Variants in EHBP1 observed in about 807,000 individuals in gnomAD.
The protein encoded by EHBP1 is EH domain-binding protein 1.
Under a neutral mutation model 144.0 loss-of-function variants are expected in EHBP1, and 55 were observed. That is an observed-to-expected ratio of 0.38 (90% CI 0.31 to 0.48). The LOEUF is 0.48. Ranked by LOEUF, EHBP1 falls within the 20% of genes least tolerant of loss-of-function variation. EHBP1 has a pLI of 0.98. For synonymous variants in EHBP1, 469 were observed against 472.7 expected (o/e 0.99, Z 0.10); for missense variants, 1,200 against 1,364.2 (o/e 0.88, Z 1.90).
At chr2:62,823,042 G>C (rs1030210339) in intron 5 of EHBP1, among the ~76,000 whole-genome samples, 1 of 152,074 alleles carries the variant, frequency 6.6e-6, no homozygotes, top group Admixed American at 6.6e-5. Context: ...GGTAGTAGTG[G>C]TGTGTATGTG....
At chr2:63,020,389 G>C (rs932932377) in intron 19 of EHBP1, among the ~76,000 whole-genome samples, 11 of 148,432 alleles carry the variant, frequency 7.4e-5, no homozygotes, top group African/African-American at 2.7e-4. Context: ...TATAATCCCA[G>C]CTATTTGGGA....
intron 5 of EHBP1, among the ~76,000 whole-genome samples, chr2:62,809,083 G>A (rs1440594565): frequency 2.0e-5 from 3 of 152,052 alleles, no homozygotes; most frequent in African/African-American, 7.2e-5. Context: ...ACGAGGTCAG[G>A]AGTTCGAGAG....
At position 62,771,639 on chromosome 2, in the gene EHBP1, A is replaced by C. The variant is rs894434883; in HGVS notation, c.312+247A>C. The C allele has an allele frequency of 3.0e-5, 6 of 198,826 alleles. No individual in the cohort carries two copies. In the Middle Eastern group the frequency reaches 5.7e-3, roughly 188 times the overall value. The allele number at this position is 198,826 out of a possible 1,614,324, so 12.3% of individuals were successfully genotyped here. On this transcript the variant is annotated intron_variant, in intron 5 of 22. Coordinates refer to ENST00000431489, the MANE Select transcript of EHBP1 (RefSeq NM_001142616.3). The stretch of plus-strand genomic sequence containing the variant: ...TATGTTTGTATGTATGCGTGTGTAT[A>C]TGTGTATTATATATATAAAAAATAT...
chr2:62,768,083 A>G (rs1412262751), intron 4 of EHBP1, among the ~76,000 whole-genome samples: 1 of 152,152 alleles, frequency 6.6e-6, no homozygotes, highest in African/African-American at 2.4e-5. Flanking sequence ...AAAAATCTCA[A>G]ATTAACAACC....
intron 11 of EHBP1, 73 bp downstream of exon 11, chr2:62,942,969 T>A: frequency 9.2e-7 from 1 of 1,092,032 alleles, no homozygotes; most frequent in South Asian, 2.1e-5. Flanking sequence ...TAAAATAATT[T>A]CTTAGCACAT....
At chr2:62,971,089 T>G (rs1455182503) in intron 14 of EHBP1, among the ~76,000 whole-genome samples, 1 of 152,200 alleles carries the variant, frequency 6.6e-6, no homozygotes, top group African/African-American at 2.4e-5. Context: ...TGGCAGATTG[T>G]AGACCATTTC....
At chr2:62,955,762 C>T in intron 14 of EHBP1, 102 bp downstream of exon 14, 1 of 1,300,052 alleles carries the variant, frequency 7.7e-7, no homozygotes, top group Non-Finnish European at 1.0e-6. Context: ...TTTCTACGGA[C>T]TGTACATTGT....
chr2:62,763,202 C>T (rs1332438994), intron 3 of EHBP1, among the ~76,000 whole-genome samples: 1 of 152,064 alleles, frequency 6.6e-6, no homozygotes. Context: ...CCTTTTCTTA[C>T]CCCCAGTTCT....
intron 1 of EHBP1, among the ~76,000 whole-genome samples, chr2:62,689,101 TA>T (rs1273153652): frequency 6.6e-6 from 1 of 152,234 alleles, no homozygotes; most frequent in African/African-American, 2.4e-5. Flanking sequence ...ACAAATATTT[TA>T]AAAATTAGAA....
At chr2:63,017,673 A>G (rs2153274968) in intron 19 of EHBP1, among the ~76,000 whole-genome samples, 1 of 152,272 alleles carries the variant, frequency 6.6e-6, no homozygotes, top group Admixed American at 6.5e-5. Flanking sequence ...AAAAACACCA[A>G]TATGCTGGGA....
intron 7 of EHBP1, among the ~76,000 whole-genome samples, chr2:62,848,285 G>A (rs1231835814): frequency 1.3e-5 from 2 of 151,820 alleles, no homozygotes; most frequent in Non-Finnish European, 2.9e-5. Context: ...GTTTCACCAT[G>A]TTGGCCAGTC....
chr2:62,732,883 C>G (rs1019811101), intron 2 of EHBP1, among the ~76,000 whole-genome samples: 4 of 152,064 alleles, frequency 2.6e-5, no homozygotes, highest in Admixed American at 6.5e-5. Context: ...CTGACATTTT[C>G]TCAAGTTAAC....
intron 10 of EHBP1, among the ~76,000 whole-genome samples, chr2:62,933,693 A>T (rs986628767): frequency 3.9e-5 from 6 of 152,190 alleles, no homozygotes; most frequent in African/African-American, 1.4e-4. Flanking sequence ...GAAGCATAAA[A>T]GTGGGCTAGT....
intron 3 of EHBP1, among the ~76,000 whole-genome samples, chr2:62,748,211 A>C (rs987007903): frequency 6.6e-6 from 1 of 152,106 alleles, no homozygotes. Context: ...CACACTTAAG[A>C]AGTTACGAGT....
chr2:62,911,327 G>T (rs934787878), intron 10 of EHBP1, among the ~76,000 whole-genome samples: 1 of 152,184 alleles, frequency 6.6e-6, no homozygotes, highest in Admixed American at 6.5e-5. Context: ...AGTTCTGTAA[G>T]TGACAGATGC....
intron 10 of EHBP1, among the ~76,000 whole-genome samples, chr2:62,902,787 A>C (rs1044103735): frequency 2.0e-5 from 3 of 152,232 alleles, no homozygotes; most frequent in Admixed American, 1.3e-4. Flanking sequence ...AAATATTTTT[A>C]AACAGTTATT....
At chr2:62,709,537 A>C (rs2034930713) in intron 2 of EHBP1, among the ~76,000 whole-genome samples, 1 of 152,178 alleles carries the variant, frequency 6.6e-6, no homozygotes, top group Admixed American at 6.5e-5. Context: ...AGAGCTTTTA[A>C]GTTATTAATT....
chr2:62,712,309 A>G (rs1223182246), intron 2 of EHBP1, among the ~76,000 whole-genome samples: 1 of 152,172 alleles, frequency 6.6e-6, no homozygotes, highest in Non-Finnish European at 1.5e-5. Context: ...TCTCAGGGAA[A>G]TGATATAAGA....
At chr2:62,802,331 G>T (rs1229484382) in intron 5 of EHBP1, among the ~76,000 whole-genome samples, 1 of 152,184 alleles carries the variant, frequency 6.6e-6, no homozygotes, top group African/African-American at 2.4e-5. Flanking sequence ...CATCTAGTGG[G>T]TAGAAGCCAG....
Sources: gnomAD v4.1 joint callset for allele counts (sites outside exome capture counted in the v4.1 genomes callset) on GRCh38, gnomAD v4.1.1 for gene constraint, MANE v1.5 for transcripts, NCBI Gene and HGNC (gene_info 2026-07-23, HGNC 2026-07-21) for gene names.